The following FAP variants were observed in gnomAD, a reference collection of about 807,000 sequenced individuals.
FAP encodes the protein fibroblast activation protein alpha, also known as prolyl endopeptidase FAP.
In FAP, 110 loss-of-function variants were observed where a neutral mutation model predicts 126.5. The ratio of observed to expected loss-of-function variants is 0.87; its 90% confidence interval spans 0.74 to 1.02. FAP has a LOEUF of 1.02. Among genes scored for constraint, FAP ranks in the 50% least tolerant of loss-of-function variants. The pLI is 0.00. For synonymous variants in FAP, 334 were observed against 297.3 expected (o/e 1.12, Z -1.27); for missense variants, 919 against 909.2 (o/e 1.01, Z -0.14).
chr2:162,196,127 G>A (rs1688244475), intron 16 of FAP, among the ~76,000 whole-genome samples: 3 of 152,098 alleles, frequency 2.0e-5, no homozygotes, highest in Non-Finnish European at 4.4e-5. Flanking sequence ...CTATATTTGT[G>A]TAAGTATAAT....
At chr2:162,214,124 A>C in intron 10 of FAP, 51 bp from the exon 11 acceptor site, 1 of 1,581,454 alleles carries the variant, frequency 6.3e-7, no homozygotes, top group Non-Finnish European at 8.6e-7. Context: ...AGTTTCACAC[A>C]CAAATAATTT....
rs1174115163 is a variant in FAP at position 162,194,742 on chromosome 2, C to G, written c.1409G>C (p.Gly470Ala). ...ATCATGAAGGGTGGAAATGGGGATG[C>G]CTGGGCCTGTGGGCAGGATGAAAAC... ...KYYALVCYGP[G>A]IPISTLHDGR... The change falls in exon 17 of 26, where the codon GGC becomes GCC. Residue 470 changes from glycine (G) to alanine (A), a missense_variant. Gly to Ala is a moderately conservative substitution (Grantham distance 60). Coordinates refer to ENST00000188790, the MANE Select transcript of FAP (RefSeq NM_004460.5). The G allele has an allele frequency of 6.2e-7, 1 of 1,613,542 alleles. No homozygotes were observed. The highest frequency in any genetic ancestry group is 8.5e-7 in the Non-Finnish European group (1 of 1,179,618).
intron 5 of FAP, 27 bp downstream of exon 5, chr2:162,224,439 G>C (rs771865936): frequency 7.1e-5 from 98 of 1,376,146 alleles, no homozygotes; most frequent in Non-Finnish European, 9.3e-5. Flanking sequence ...GATACAATTG[G>C]ATATAACCAA....
At chr2:162,218,604 A>G (rs376881434) in intron 8 of FAP, among the ~76,000 whole-genome samples, 15 of 144,038 alleles carry the variant, frequency 1.0e-4, no homozygotes, top group Admixed American at 5.5e-4. Flanking sequence ...TAGATAGATA[A>G]ATAGATAGAG....
At chr2:162,190,568 G>C (rs1276485708) in intron 17 of FAP, among the ~76,000 whole-genome samples, 1 of 152,036 alleles carries the variant, frequency 6.6e-6, no homozygotes, top group African/African-American at 2.4e-5. Flanking sequence ...CATGCAAATA[G>C]GTTTCTAGCA....
chr2:162,237,423 T>C (rs567146183), intron 2 of FAP, among the ~76,000 whole-genome samples: 1 of 152,142 alleles, frequency 6.6e-6, no homozygotes, highest in South Asian at 2.1e-4. Flanking sequence ...TCTTTATCCA[T>C]GTGTTCTCAT....
intron 2 of FAP, among the ~76,000 whole-genome samples, chr2:162,231,472 G>C (rs2106295534): frequency 1.3e-5 from 2 of 152,278 alleles, no homozygotes; most frequent in South Asian, 4.1e-4. Flanking sequence ...TCTCTCCTCT[G>C]TATATGTTAA....
intron 21 of FAP, among the ~76,000 whole-genome samples, chr2:162,176,967 T>A (rs1252824709): frequency 1.3e-5 from 2 of 152,130 alleles, no homozygotes; most frequent in Admixed American, 6.6e-5. Context: ...AGCGACTGTA[T>A]CAGCAGCACA....
At position 162,203,082 on chromosome 2, in the gene FAP, T is replaced by C. The variant is rs200942734; in HGVS notation, c.1111A>G (p.Lys371Glu). 1.3e-4 allele frequency: 210 copies of C among 1,613,808 alleles called. No individual in the cohort carries two copies. The highest frequency in any genetic ancestry group is 6.6e-4 in the Middle Eastern group (4 of 6,026). ...AISYYKIFSD[K>E]DGYKHIHYIK... Reference sequence around the variant, plus strand: ...TAGTGAATATGTTTGTAGCCATCCTTGTCACTAAATATTTTGTAGTACGAA... The same window carrying C: ...TAGTGAATATGTTTGTAGCCATCCTCGTCACTAAATATTTTGTAGTACGAA... Residue 371 changes from lysine to glutamate, a missense_variant, in exon 13 of 26, where the codon AAG (lysine) becomes GAG (glutamate). Physicochemically the swap from Lys to Glu is moderately conservative, Grantham distance 56. Transcript: ENST00000188790.
At chr2:162,175,274 A>G (rs1687446951) in intron 21 of FAP, 3 of 169,464 alleles carry the variant, frequency 1.8e-5, no homozygotes, top group African/African-American at 7.1e-5. Flanking sequence ...AAAAATTCTC[A>G]TTTTTTTCTC....
In FAP at chr2:162,173,305, A is replaced by G. The variant is rs1325176383; in HGVS notation, c.2035-84T>C. 4 of 931,706 alleles carry G rather than the reference A, an allele frequency of 4.3e-6. No individual in the cohort carries two copies. The African/African-American group carries it at 4.9e-5, about 11-fold the overall frequency. 57.7% of individuals were successfully genotyped at this position (931,706 alleles called of 1,614,324 possible). ...TAAATCATTGTGCAATGGACTTAGC[A>G]CCAATACTGAAATTATGTATTGCTT... On this transcript the variant is annotated intron_variant, in intron 23 of 25. Transcript: ENST00000188790.
chr2:162,218,598 T>TAGATAGAC (rs943996129), intron 8 of FAP, among the ~76,000 whole-genome samples: 3 of 151,616 alleles, frequency 2.0e-5, no homozygotes, highest in Non-Finnish European at 4.4e-5. Flanking sequence ...GATAGATAGA[T>TAGATAGAC]AGATAAATAG....
intron 16 of FAP, among the ~76,000 whole-genome samples, chr2:162,197,097 T>A (rs1428595372): frequency 6.6e-6 from 1 of 152,220 alleles, no homozygotes; most frequent in Non-Finnish European, 1.5e-5. Context: ...AATGCATACA[T>A]ATATAAATGC....
intron 16 of FAP, among the ~76,000 whole-genome samples, chr2:162,195,604 A>T (rs1284415205): frequency 6.6e-6 from 1 of 152,132 alleles, no homozygotes; most frequent in African/African-American, 2.4e-5. Context: ...TGACTGAGTC[A>T]GTCCTGAAGA....
At chr2:162,201,621 T>TTC (rs1559774907) in intron 14 of FAP, among the ~76,000 whole-genome samples, 1 of 152,060 alleles carries the variant, frequency 6.6e-6, no homozygotes, top group South Asian at 2.1e-4. Context: ...TTTGTCTCTT[T>TTC]TCTCTCTCTT....
chr2:162,229,790 A>G (rs1294035856), intron 2 of FAP, among the ~76,000 whole-genome samples: 3 of 152,300 alleles, frequency 2.0e-5, no homozygotes, highest in South Asian at 2.1e-4. Context: ...CTAGTTAGCA[A>G]TTAATTTTAT....
At chr2:162,243,223 A>G (rs1432746852) in intron 1 of FAP, 99 bp downstream of exon 1, 4 of 978,690 alleles carry the variant, frequency 4.1e-6, no homozygotes, top group African/African-American at 3.3e-5. Context: ...GTAAATACTT[A>G]TGTACAAATC....
rs538361993 is a variant in FAP, at chr2:162,171,874, T to C, written c.2182-794A>G. 5 of 152,236 alleles carry C rather than the reference T, an allele frequency of 3.3e-5. No homozygotes were observed. The East Asian group carries it at 7.7e-4, about 24-fold the overall frequency. 9.4% of individuals were successfully genotyped at this position (152,236 alleles called of 1,614,324 possible). A position where few individuals can be genotyped will look rare whatever the true frequency, so the allele number is the denominator to read the frequency against. On this transcript the variant is annotated intron_variant, in intron 25 of 25. Transcript: ENST00000188790. ...TGTGTAATGATCAAATCAAGATAAC[T>C]GAAATACCCATCACCTCAAACAAAT...
intron 17 of FAP, 85 bp downstream of exon 17, chr2:162,194,616 G>A: frequency 8.1e-7 from 1 of 1,228,518 alleles, no homozygotes; most frequent in Non-Finnish European, 1.2e-6. Flanking sequence ...GTGGTGTGGA[G>A]AAACTGTCCT....
Sources: gnomAD v4.1 joint callset for allele counts (sites outside exome capture counted in the v4.1 genomes callset) on GRCh38, gnomAD v4.1.1 for gene constraint, MANE v1.5 for transcripts, NCBI Gene and HGNC (gene_info 2026-07-23, HGNC 2026-07-21) for gene names.